NLGN1: variants seen among roughly 807,000 people sequenced by gnomAD.
NLGN1 encodes neuroligin 1, also known as neuroligin-1.
Under a neutral mutation model 65.5 loss-of-function variants are expected in NLGN1, and 12 were observed. That is an observed-to-expected ratio of 0.18 (90% CI 0.12 to 0.30). The LOEUF (loss-of-function observed/expected upper bound fraction) is 0.30, where lower values mean the gene tolerates loss of function less well. Ranked by LOEUF, NLGN1 falls within the 10% of genes least tolerant of loss-of-function variation. The pLI is 1.00. For synonymous variants in NLGN1, 350 were observed against 359.5 expected, an observed-to-expected ratio of 0.97 and a Z score of 0.30; for missense variants, 750 against 1,007.1, an observed-to-expected ratio of 0.74 and a Z score of 3.46.
chr3:173,424,608 G>C (rs1420678057), intron 1 of NLGN1, among the ~76,000 whole-genome samples: 2 of 152,182 alleles, frequency 1.3e-5, no homozygotes, highest in Non-Finnish European at 2.9e-5. Flanking sequence ...AAGTTCCACA[G>C]ATGTCTAGGG....
chr3:174,026,219 T>A (rs1332979325), intron 4 of NLGN1, among the ~76,000 whole-genome samples: 15 of 152,160 alleles, frequency 9.9e-5, no homozygotes, highest in Admixed American at 9.8e-4. Context: ...CTTGACCTCA[T>A]GGGCTCAAGC....
intron 2 of NLGN1, among the ~76,000 whole-genome samples, chr3:173,488,407 C>A (rs1250170283): frequency 6.6e-6 from 1 of 151,982 alleles, no homozygotes; most frequent in African/African-American, 2.4e-5. Context: ...CCCCCACTTT[C>A]CTCCTGGATT....
Position 173,887,320 on chromosome 3 carries a change from T to G in NLGN1, c.646+79488T>G, listed in dbSNP as rs115458896. ...ATCCTAAAGAGTTCAGAGTTTAGAT[T>G]GCATATGTCTTTTCTTTTTTGACTT... is the stretch of plus-strand genomic sequence containing the variant. On this transcript the variant is annotated intron_variant, in intron 4 of 6. Transcript: ENST00000457714. 1.4e-3 allele frequency among the ~76,000 whole-genome samples: 207 copies of G among 152,158 alleles called. 1 individual carries two copies. The highest frequency in any genetic ancestry group is 1.1e-3 in the Non-Finnish European group (72 of 67,920).
intron 4 of NLGN1, among the ~76,000 whole-genome samples, chr3:173,986,128 G>C (rs944653749): frequency 6.6e-6 from 1 of 152,106 alleles, no homozygotes; most frequent in Admixed American, 6.6e-5. Context: ...AGTCATACGG[G>C]AGTAGAGTGG....
intron 1 of NLGN1, among the ~76,000 whole-genome samples, chr3:173,414,186 TGCAA>T (rs1303402030): frequency 6.6e-6 from 1 of 152,200 alleles, no homozygotes; most frequent in Non-Finnish European, 1.5e-5. Context: ...AAGCTATGTC[TGCAA>T]GCAAACTGGT....
chr3:173,484,579 A>C (rs971734452), intron 2 of NLGN1, among the ~76,000 whole-genome samples: 1 of 152,180 alleles, frequency 6.6e-6, no homozygotes, highest in African/African-American at 2.4e-5. Context: ...TCATATTAAA[A>C]GTCTCCTTCA....
chr3:173,924,508 A>G (rs1424819352), intron 4 of NLGN1, among the ~76,000 whole-genome samples: 1 of 151,998 alleles, frequency 6.6e-6, no homozygotes, highest in East Asian at 1.9e-4. Context: ...CCTGTAGTCC[A>G]GCACTTTCAG....
chr3:174,230,782 T>TA (rs912902955), intron 4 of NLGN1, among the ~76,000 whole-genome samples: 53 of 152,044 alleles, frequency 3.5e-4, no homozygotes, highest in South Asian at 4.2e-4. Context: ...GATAAATATT[T>TA]AAAAAAAATA....
At chr3:173,880,054 T>G (rs1486109265) in intron 4 of NLGN1, among the ~76,000 whole-genome samples, 1 of 152,184 alleles carries the variant, frequency 6.6e-6, no homozygotes, top group African/African-American at 2.4e-5. Context: ...TTTCTCATCT[T>G]AAAAATATAT....
intron 2 of NLGN1, among the ~76,000 whole-genome samples, chr3:173,491,309 T>C (rs546867660): frequency 6.6e-6 from 1 of 152,042 alleles, no homozygotes; most frequent in Non-Finnish European, 1.5e-5. Flanking sequence ...CATGAAGAGC[T>C]GTTGAATTTT....
intron 2 of NLGN1, among the ~76,000 whole-genome samples, chr3:173,499,020 T>C (rs1367197399): frequency 6.6e-6 from 1 of 151,252 alleles, no homozygotes; most frequent in Non-Finnish European, 1.5e-5. Flanking sequence ...TTCACTCTGA[T>C]GGTAGTTTCT....
chr3:174,212,776 A>G (rs2152795769), intron 4 of NLGN1, among the ~76,000 whole-genome samples: 1 of 152,368 alleles, frequency 6.6e-6, no homozygotes, highest in African/African-American at 2.4e-5. Context: ...TTAGATTAAA[A>G]TGAGGCATCA....
At chr3:174,058,334 A>G (rs572745931) in intron 4 of NLGN1, among the ~76,000 whole-genome samples, 82 of 152,158 alleles carry the variant, frequency 5.4e-4, no homozygotes, top group Non-Finnish European at 7.8e-4. Flanking sequence ...AAGGTAAAGC[A>G]TTTATACTGG....
chr3:173,476,760 TAGAG>T (rs970694703), intron 2 of NLGN1, among the ~76,000 whole-genome samples: 11 of 152,098 alleles, frequency 7.2e-5, no homozygotes, highest in African/African-American at 2.7e-4. Flanking sequence ...TTACTAGAGA[TAGAG>T]AGAACATTTA....
chr3:174,054,312 CAT>C, intron 4 of NLGN1, among the ~76,000 whole-genome samples: 1 of 152,004 alleles, frequency 6.6e-6, no homozygotes, highest in African/African-American at 2.4e-5. Flanking sequence ...ATTACACACA[CAT>C]GCAAGTAATT....
intron 2 of NLGN1, among the ~76,000 whole-genome samples, chr3:173,512,905 T>C (rs1442819598): frequency 6.6e-6 from 1 of 152,202 alleles, no homozygotes; most frequent in Non-Finnish European, 1.5e-5. Flanking sequence ...TCAGTAAATA[T>C]ATCTTCAGTA....
chr3:174,102,714 C>A (rs1712819019), intron 4 of NLGN1, among the ~76,000 whole-genome samples: 1 of 152,116 alleles, frequency 6.6e-6, no homozygotes, highest in Admixed American at 6.6e-5. Flanking sequence ...GTGTTGACAG[C>A]CCATGAATTC....
chr3:173,397,617 T>C (rs1716841986), upstream of NLGN1, among the ~76,000 whole-genome samples: 1 of 151,570 alleles, frequency 6.6e-6, no homozygotes, highest in South Asian at 2.1e-4. Context: ...CACTCTCCCG[T>C]TCCCCCGTCA....
At chr3:173,708,300 T>C (rs1005019569) in intron 3 of NLGN1, among the ~76,000 whole-genome samples, 13 of 152,188 alleles carry the variant, frequency 8.5e-5, no homozygotes, top group African/African-American at 2.9e-4. Flanking sequence ...CATCCGACCT[T>C]GGCTGAAGAG....
Sources: gnomAD v4.1 joint callset for allele counts (sites outside exome capture counted in the v4.1 genomes callset) on GRCh38, gnomAD v4.1.1 for gene constraint, MANE v1.5 for transcripts, NCBI Gene and HGNC (gene_info 2026-07-23, HGNC 2026-07-21) for gene names.